Variants in HERC2 observed in about 807,000 individuals in gnomAD.
The protein encoded by HERC2 is HECT and RLD domain containing E3 ubiquitin protein ligase 2, also known as E3 ubiquitin-protein ligase HERC2.
A neutral mutation model predicts 537.7 loss-of-function variants in HERC2; 102 were observed. The observed-to-expected ratio is 0.19, with a 90% CI of 0.16 to 0.22. The LOEUF (loss-of-function observed/expected upper bound fraction) is 0.22, where lower values mean the gene tolerates loss of function less well. HERC2 is among the 10% of genes least tolerant of loss of function. The pLI, the probability that HERC2 is intolerant of heterozygous loss-of-function variation, is 1.00. For synonymous variants in HERC2, 2,224 were observed against 2,466.2 expected, an observed-to-expected ratio of 0.90 and a Z score of 2.91; for missense variants, 4,236 against 6,198.2, an observed-to-expected ratio of 0.68 and a Z score of 10.63.
chr15:28,125,020 T>G lies in HERC2; in HGVS notation c.12976A>C (p.Lys4326Gln). 6.2e-7 allele frequency: 1 copy of G among 1,601,974 alleles called. No individual in the cohort carries two copies. Among genetic ancestry groups the G allele is most frequent in the Non-Finnish European group, 8.5e-7 (1 of 1,169,762 alleles). Residue 4326 changes from lysine (K) to glutamine (Q), a missense_variant, in exon 84 of 93, where the codon AAA (lysine) becomes CAA (glutamine). Around this residue, in one of 27 missense-constraint regions of HERC2, gnomAD observed 189 missense variants for 255.7 expected, o/e 0.74. Coordinates refer to ENST00000261609, the MANE Select transcript of HERC2 (RefSeq NM_004667.6). ...WSTSKPASAGKLPAQVPMEYN... is the reference protein window; with the variant it reads ...WSTSKPASAGQLPAQVPMEYN... ...CCCGGACTCACCTGTGCAGGGAGTT[T>G]GCCAGCACTGGCGGGCTTGCTGGTC...
chr15:28,273,653 C>T (rs1026360915), intron 7 of HERC2, among the ~76,000 whole-genome samples: 2 of 152,148 alleles, frequency 1.3e-5, no homozygotes, highest in African/African-American at 2.4e-5. Flanking sequence ...GAGCCGGGGA[C>T]GCAAACGCCA....
rs368389927 is a variant in HERC2, at chr15:28,201,719, T to C, written c.7618-165A>G. 5.3e-5 allele frequency among the ~76,000 whole-genome samples: 8 copies of C among 152,330 alleles called. No homozygotes were observed. The East Asian group carries it at 1.2e-3, about 22-fold the overall frequency. ...AAAAAGACTAATAGCAGTAGCATAGTAGGCAGAATGAATCTCAAAAGCTAC... is the reference window on the plus strand; with the variant it reads ...AAAAAGACTAATAGCAGTAGCATAGCAGGCAGAATGAATCTCAAAAGCTAC... On this transcript the variant is annotated intron_variant, in intron 47 of 92. Coordinates refer to ENST00000261609, the MANE Select transcript of HERC2 (RefSeq NM_004667.6).
chr15:28,165,461 C>T (rs998901626), intron 68 of HERC2, among the ~76,000 whole-genome samples: 8 of 151,958 alleles, frequency 5.3e-5, no homozygotes, highest in Non-Finnish European at 8.8e-5. Context: ...TGGTGTGAAC[C>T]GGTGGTTTTC....
intron 65 of HERC2, 94 bp from the exon 66 acceptor site, chr15:28,169,749 C>T (rs967000611): frequency 4.7e-5 from 54 of 1,143,920 alleles, no homozygotes; most frequent in Non-Finnish European, 6.7e-5. Flanking sequence ...CCAAAACACA[C>T]TGCAATCTGC....
chr15:28,212,638 C>T (rs1045169348), intron 42 of HERC2, 55 bp from the exon 43 acceptor site: 13 of 1,591,048 alleles, frequency 8.2e-6, no homozygotes, highest in East Asian at 2.2e-5. Context: ...ACAAATGAAA[C>T]GTTCTGAAAG....
intron 2 of HERC2, chr15:28,315,531 A>C (rs2077058540): frequency 2.4e-6 from 1 of 412,696 alleles, no homozygotes; most frequent in South Asian, 2.1e-5. Context: ...GGCACGGTTC[A>C]TGCTTGTACT....
In HERC2 at chr15:28,220,147, CAT is replaced by C. The variant is rs769220195; in HGVS notation, c.5845+303_5845+304del. Among the ~76,000 whole-genome samples the C allele has an allele frequency of 3.3e-5, 5 of 152,330 alleles. No individual in the cohort carries two copies. In the East Asian group the frequency reaches 7.7e-4, roughly 23 times the overall value. ...TCAGACACAGGCTCAGCGCCAACCA[CAT>C]GAGACTCACTGGTGGTGCAGCTGCC... On this transcript the variant is annotated intron_variant, in intron 37 of 92. Transcript: ENST00000261609.
At chr15:28,126,588 G>A (rs1372934812) in intron 83 of HERC2, among the ~76,000 whole-genome samples, 3 of 152,222 alleles carry the variant, frequency 2.0e-5, no homozygotes, top group African/African-American at 4.8e-5. Flanking sequence ...CCACAACCTG[G>A]ATGGGACTAG....
intron 4 of HERC2, among the ~76,000 whole-genome samples, chr15:28,280,742 T>C (rs547825634): frequency 6.8e-6 from 1 of 147,972 alleles, no homozygotes; most frequent in South Asian, 2.1e-4. Context: ...CCTTCTCTAC[T>C]AAAAAAAAAA....
At chr15:28,169,352 C>T in intron 66 of HERC2, 132 bp downstream of exon 66, 1 of 611,074 alleles carries the variant, frequency 1.6e-6, no homozygotes, top group Non-Finnish European at 2.7e-6. Flanking sequence ...GAACTTGTGA[C>T]TTACAACATA....
intron 52 of HERC2, 100 bp from the exon 53 acceptor site, chr15:28,192,251 T>C (rs569503924): frequency 1.4e-5 from 15 of 1,072,476 alleles, no homozygotes; most frequent in South Asian, 1.3e-4. Context: ...TAAAGAAAAA[T>C]AGAAAGTTTC....
At chr15:28,305,070 A>C (rs1383469907) in intron 2 of HERC2, among the ~76,000 whole-genome samples, 1 of 147,572 alleles carries the variant, frequency 6.8e-6, no homozygotes, top group South Asian at 2.3e-4. Flanking sequence ...GCTGCATAGT[A>C]TTCCATGGTG....
Position 28,212,535 on chromosome 15 carries a change from T to C in HERC2, c.6835A>G (p.Met2279Val), listed in dbSNP as rs1251597304. The C allele has an allele frequency of 5.1e-6, 8 of 1,573,216 alleles. No homozygotes were observed. Reference protein sequence around the residue: ...NVNNLPFTEPMLSVWAQLVNL... With the variant: ...NVNNLPFTEPVLSVWAQLVNL... Reference sequence around the variant, plus strand: ...ACCAACTGAGCCCAGACAGACAGCATGGGCTCTGTGAAGGGCAGGTTGTTC... The same window carrying C: ...ACCAACTGAGCCCAGACAGACAGCACGGGCTCTGTGAAGGGCAGGTTGTTC... Residue 2279 changes from methionine to valine, a missense_variant, in exon 43 of 93, where the codon ATG becomes GTG. By Grantham distance (21) the Met-to-Val change is conservative. This residue lies in a region of HERC2 where 67 missense variants were observed against 140.1 expected (regional missense o/e 0.48). Transcript: ENST00000261609.
At chr15:28,189,738 T>G (rs1279456923) in intron 55 of HERC2, among the ~76,000 whole-genome samples, 1 of 152,200 alleles carries the variant, frequency 6.6e-6, no homozygotes, top group Non-Finnish European at 1.5e-5. Context: ...GATTTGATCA[T>G]TCCACAAAGT....
At position 28,233,645 on chromosome 15, in the gene HERC2, C is replaced by A. The variant is rs200710093; in HGVS notation, c.4351+19G>T. The A allele has an allele frequency of 2.8e-4, 459 of 1,613,634 alleles. No homozygotes were observed. The highest frequency in any genetic ancestry group is 3.7e-4 in the Non-Finnish European group (433 of 1,179,562). ...GAATCTGCAGTGTACCTAAAGTACA[C>A]AGATATCGAGCTCCTTACCTAAATC... On this transcript the variant is annotated intron_variant, in intron 28 of 92. Coordinates refer to ENST00000261609, the MANE Select transcript of HERC2 (RefSeq NM_004667.6).
At chr15:28,137,260 A>G (rs1890741703) in intron 78 of HERC2, among the ~76,000 whole-genome samples, 1 of 152,210 alleles carries the variant, frequency 6.6e-6, no homozygotes, top group Non-Finnish European at 1.5e-5. Flanking sequence ...AGACCACTTC[A>G]ACACCTGTGC....
Position 28,141,945 on chromosome 15 carries a change from G to A in HERC2, c.11701-99C>T, listed in dbSNP as rs1199211742. The stretch of plus-strand genomic sequence containing the variant: ...AGAAGGAATCCCTGCCTAAAAATAT[G>A]AGGGAAGAGCAACATTGCAATGTTA... On this transcript the variant is annotated intron_variant, in intron 76 of 92. Transcript: ENST00000261609. 7 of 951,034 alleles carry A rather than the reference G, an allele frequency of 7.4e-6. No individual in the cohort carries two copies. The Admixed American group carries it at 1.2e-4, about 16-fold the overall frequency. 58.9% of individuals were successfully genotyped at this position (951,034 alleles called of 1,614,324 possible).
Position 28,152,298 on chromosome 15 carries a change from T to C in HERC2, c.10900+379A>G, listed in dbSNP as rs1233888161. Among the ~76,000 whole-genome samples, 2 of 152,178 alleles carry C rather than the reference T, an allele frequency of 1.3e-5. 1 individual carries two copies. The highest frequency in any genetic ancestry group is 4.1e-4 in the South Asian group (2 of 4,830). On this transcript the variant is annotated intron_variant, in intron 70 of 92. Coordinates refer to ENST00000261609, the MANE Select transcript of HERC2 (RefSeq NM_004667.6). Reference sequence around the variant, plus strand: ...GTTGAGTTGTTAAAAACAAAAGATATACACGTGGGTAACAGAAGCTGTCCA... The same window carrying C: ...GTTGAGTTGTTAAAAACAAAAGATACACACGTGGGTAACAGAAGCTGTCCA...
At chr15:28,218,296 C>T (rs2140479516) in intron 38 of HERC2, among the ~76,000 whole-genome samples, 193 bp downstream of exon 38, 1 of 152,200 alleles carries the variant, frequency 6.6e-6, no homozygotes. Flanking sequence ...GAAGGAACCA[C>T]CCTTGATCTC....
Sources: gnomAD v4.1 joint callset for allele counts (sites outside exome capture counted in the v4.1 genomes callset) on GRCh38, gnomAD v4.1.1 for gene constraint, gnomAD v4.1.1 regional missense constraint, MANE v1.5 for transcripts, NCBI Gene and HGNC (gene_info 2026-07-23, HGNC 2026-07-21) for gene names.